CDH13: variants seen among roughly 807,000 people sequenced by gnomAD.
CDH13 encodes cadherin-13.
A neutral mutation model predicts 63.8 loss-of-function variants in CDH13; 24 were observed. That is an observed-to-expected ratio of 0.38 (90% confidence interval 0.27 to 0.53). CDH13 has a LOEUF of 0.53. CDH13 is among the 20% of genes least tolerant of loss of function. The pLI, the probability that CDH13 is intolerant of heterozygous loss-of-function variation, is 0.85. For synonymous variants in CDH13, 503 were observed against 355.3 expected (o/e 1.42, Z -4.67); for missense variants, 1,049 against 903.1 (o/e 1.16, Z -2.07).
chr16:83,335,822 G>C (rs139399114), intron 5 of CDH13, among the ~76,000 whole-genome samples: 3 of 152,080 alleles, frequency 2.0e-5, no homozygotes, highest in African/African-American at 7.2e-5. Flanking sequence ...ACCCTCTCAC[G>C]TGCACCCCCT....
At chr16:83,604,514 C>T (rs1908146096) in intron 8 of CDH13, among the ~76,000 whole-genome samples, 1 of 152,164 alleles carries the variant, frequency 6.6e-6, no homozygotes, top group South Asian at 2.1e-4. Context: ...TATTTAACTG[C>T]AGGATTTCTG....
intron 2 of CDH13, among the ~76,000 whole-genome samples, chr16:82,916,826 T>C (rs1398590273): frequency 6.6e-6 from 1 of 152,218 alleles, no homozygotes; most frequent in African/African-American, 2.4e-5. Context: ...AGGAGATAGT[T>C]GTGGAATATA....
At chr16:83,321,690 A>G (rs2090229587) in intron 5 of CDH13, among the ~76,000 whole-genome samples, 1 of 151,776 alleles carries the variant, frequency 6.6e-6, no homozygotes, top group Admixed American at 6.6e-5. Flanking sequence ...CACCATGCCC[A>G]GCTAATTTTT....
intron 2 of CDH13, among the ~76,000 whole-genome samples, chr16:83,011,906 C>T (rs146289954): frequency 6.6e-6 from 1 of 152,194 alleles, no homozygotes; most frequent in Non-Finnish European, 1.5e-5. Context: ...TTCATTACAG[C>T]TATTATTAAT....
chr16:82,970,643 C>G (rs1326188863), intron 2 of CDH13, among the ~76,000 whole-genome samples: 1 of 117,338 alleles, frequency 8.5e-6, no homozygotes, highest in African/African-American at 2.7e-5. Flanking sequence ...TCATGATCCA[C>G]CCGCCTCGGC....
rs1261616652 is a variant in CDH13, at chr16:83,419,199, C to T, written c.782-67278C>T. On this transcript the variant is annotated intron_variant, in intron 6 of 13. Coordinates refer to ENST00000567109, the MANE Select transcript of CDH13 (RefSeq NM_001257.5). ...AGCTCCATCCCTATCGTGCCCCCTG[C>T]CTCTGTAACCAGATTTTTGAGTCTA... Among the ~76,000 whole-genome samples, 3 of 152,106 alleles carry T rather than the reference C, an allele frequency of 2.0e-5. No homozygotes were observed. In the East Asian group the frequency reaches 5.8e-4, roughly 29 times the overall value.
intron 2 of CDH13, among the ~76,000 whole-genome samples, chr16:82,942,277 C>T (rs1454156016): frequency 2.0e-5 from 3 of 152,166 alleles, no homozygotes; most frequent in African/African-American, 7.2e-5. Context: ...TTGAGAAGAT[C>T]ACCCTTTCCG....
At chr16:83,136,268 G>A (rs1384864341) in intron 4 of CDH13, among the ~76,000 whole-genome samples, 1 of 151,838 alleles carries the variant, frequency 6.6e-6, no homozygotes, top group East Asian at 1.9e-4. Flanking sequence ...CGGATCATGA[G>A]GTCAGGAGAT....
chr16:83,586,705 C>T (rs944459141), intron 7 of CDH13, among the ~76,000 whole-genome samples: 1 of 152,134 alleles, frequency 6.6e-6, no homozygotes, highest in African/African-American at 2.4e-5. Flanking sequence ...TATTAGGCAT[C>T]TTGTGCAAAT....
At chr16:83,181,143 G>C (rs1183293931) in intron 4 of CDH13, 2 of 830,070 alleles carry the variant, frequency 2.4e-6, no homozygotes, top group Admixed American at 3.1e-5. Flanking sequence ...TAGACAGAGA[G>C]TCAGAAGTCA....
At chr16:83,563,956 T>A (rs2075749564) in intron 7 of CDH13, among the ~76,000 whole-genome samples, 1 of 152,214 alleles carries the variant, frequency 6.6e-6, no homozygotes, top group Non-Finnish European at 1.5e-5. Flanking sequence ...GTCTCTTGTG[T>A]CTTCACAGCC....
chr16:82,856,248 C>T (rs890470382), intron 1 of CDH13, among the ~76,000 whole-genome samples: 18 of 151,252 alleles, frequency 1.2e-4, no homozygotes, highest in Non-Finnish European at 2.2e-4. Context: ...TGGTGGCGGG[C>T]GCCTGTAGTC....
intron 11 of CDH13, among the ~76,000 whole-genome samples, chr16:83,756,768 G>A (rs1311854727): frequency 6.6e-6 from 1 of 152,158 alleles, no homozygotes; most frequent in Non-Finnish European, 1.5e-5. Context: ...TGTATGTACT[G>A]GACAGCACAG....
At chr16:83,364,269 C>A (rs2091217794) in intron 6 of CDH13, among the ~76,000 whole-genome samples, 2 of 152,094 alleles carry the variant, frequency 1.3e-5, no homozygotes, top group African/African-American at 4.8e-5. Flanking sequence ...CTACCCAGAA[C>A]TGTTGGTAGC....
chr16:83,205,936 G>C (rs1445687934), intron 4 of CDH13, among the ~76,000 whole-genome samples: 2 of 152,100 alleles, frequency 1.3e-5, no homozygotes, highest in African/African-American at 4.8e-5. Flanking sequence ...TCATGAGAGA[G>C]AAACTGACCA....
intron 2 of CDH13, among the ~76,000 whole-genome samples, chr16:82,967,600 A>G (rs753224055): frequency 6.6e-6 from 1 of 151,914 alleles, no homozygotes; most frequent in Non-Finnish European, 1.5e-5. Context: ...AAGTCCTTGA[A>G]CTCACGCTCC....
At chr16:82,683,646 A>G (rs976055032) in intron 1 of CDH13, among the ~76,000 whole-genome samples, 2 of 152,246 alleles carry the variant, frequency 1.3e-5, no homozygotes, top group Admixed American at 1.3e-4. Context: ...GAATGCATCC[A>G]TTATTCAAGC....
intron 4 of CDH13, among the ~76,000 whole-genome samples, chr16:83,152,723 C>G (rs949752316): frequency 3.3e-5 from 5 of 152,130 alleles, no homozygotes; most frequent in African/African-American, 1.2e-4. Context: ...AATTGCATCC[C>G]CCAAAACCCA....
At chr16:83,330,921 T>C (rs1183522580) in intron 5 of CDH13, among the ~76,000 whole-genome samples, 1 of 152,220 alleles carries the variant, frequency 6.6e-6, no homozygotes, top group East Asian at 1.9e-4. Flanking sequence ...CATAATGCGA[T>C]GGGATGTTTC....
Sources: allele counts gnomAD v4.1 joint callset (sites outside exome capture counted in the v4.1 genomes callset), GRCh38; gene constraint gnomAD v4.1.1; transcripts MANE v1.5; gene names NCBI Gene and HGNC (gene_info 2026-07-23, HGNC 2026-07-21).